NKAIN3: variants seen among roughly 807,000 people sequenced by gnomAD.
The protein encoded by NKAIN3 is sodium/potassium-transporting ATPase subunit beta-1-interacting protein 3.
A neutral mutation model predicts 30.2 loss-of-function variants in NKAIN3; 25 were observed. The ratio of observed to expected loss-of-function variants is 0.83; its 90% CI spans 0.60 to 1.16. NKAIN3 has a LOEUF of 1.16. Ranked by LOEUF, NKAIN3 falls within the 50% of genes most tolerant of loss-of-function variation. The pLI, the probability that NKAIN3 is intolerant of heterozygous loss-of-function variation, is 0.00. For synonymous variants in NKAIN3, 91 were observed against 89.6 expected (o/e 1.02, Z -0.09); for missense variants, 225 against 254.1 (o/e 0.89, Z 0.78).
intron 4 of NKAIN3, among the ~76,000 whole-genome samples, chr8:62,879,587 A>C (rs1820912309): frequency 6.6e-6 from 1 of 152,040 alleles, no homozygotes; most frequent in Non-Finnish European, 1.5e-5. Context: ...TTTTTGTTGA[A>C]CAGGAGGCAT....
Position 62,593,024 on chromosome 8 carries a change from C to A in NKAIN3, c.273+3230C>A, listed in dbSNP as rs367702186. ...GGGAGAGTTTAATACTCCTTTCTTG[C>A]TTATTTAGAGAAAAAGTAGACACAA... On this transcript the variant is annotated intron_variant, in intron 3 of 6. Transcript: ENST00000623646. Among the ~76,000 whole-genome samples the A allele has an allele frequency of 3.7e-4, 56 of 151,964 alleles. No homozygotes were observed. In the South Asian group the frequency reaches 1.0e-2, roughly 27 times the overall value.
At chr8:62,780,733 A>G (rs1175370409) in intron 4 of NKAIN3, among the ~76,000 whole-genome samples, 1 of 152,148 alleles carries the variant, frequency 6.6e-6, no homozygotes. Flanking sequence ...ATAAAATTCA[A>G]TACCCTTTCA....
chr8:62,345,328 CATAT>C (rs71259314), intron 1 of NKAIN3, among the ~76,000 whole-genome samples: 21 of 117,442 alleles, frequency 1.8e-4, no homozygotes, highest in African/African-American at 6.9e-4. Context: ...CATATATACA[CATAT>C]ATGTATATAT....
intron 1 of NKAIN3, among the ~76,000 whole-genome samples, chr8:62,350,191 A>G (rs2129591715): frequency 6.6e-6 from 1 of 152,350 alleles, no homozygotes; most frequent in South Asian, 2.1e-4. Flanking sequence ...ATTATTCACA[A>G]TAGCCAAAAG....
rs1384388986 is a variant in NKAIN3 at position 62,351,097 on chromosome 8, T to C, written c.54+101970T>C. ...GTAAATAGTATATATAATAAATGTA[T>C]AAATATATAATATATATTAACATAT... is the stretch of plus-strand genomic sequence containing the variant. On this transcript the variant is annotated intron_variant, in intron 1 of 6. Transcript: ENST00000623646. 6.7e-5 allele frequency among the ~76,000 whole-genome samples: 10 copies of C among 148,886 alleles called. No homozygotes were observed. The East Asian group carries it at 1.8e-3, about 26-fold the overall frequency.
At chr8:62,488,792 C>T (rs966511982) in intron 1 of NKAIN3, among the ~76,000 whole-genome samples, 1 of 152,096 alleles carries the variant, frequency 6.6e-6, no homozygotes, top group Non-Finnish European at 1.5e-5. Context: ...GCTTGAGATG[C>T]TGAGGAATAA....
chr8:62,279,378 T>C (rs1053609601), intron 1 of NKAIN3, among the ~76,000 whole-genome samples: 4 of 152,254 alleles, frequency 2.6e-5, no homozygotes, highest in Non-Finnish European at 5.9e-5. Context: ...TTAGTTTAAA[T>C]AGATTCCATT....
At chr8:62,759,359 C>A (rs932823113) in intron 4 of NKAIN3, among the ~76,000 whole-genome samples, 3 of 152,076 alleles carry the variant, frequency 2.0e-5, no homozygotes, top group Non-Finnish European at 4.4e-5. Context: ...GAAATCAATT[C>A]AATTCTCCAT....
intron 1 of NKAIN3, among the ~76,000 whole-genome samples, chr8:62,477,968 A>T (rs1806574314): frequency 6.6e-6 from 1 of 152,174 alleles, no homozygotes. Flanking sequence ...TTTTTATGTG[A>T]ATAGAGGTAT....
At chr8:62,874,050 G>T (rs541391673) in intron 4 of NKAIN3, among the ~76,000 whole-genome samples, 1 of 151,770 alleles carries the variant, frequency 6.6e-6, no homozygotes. Flanking sequence ...TCAGGAGCTG[G>T]TTTTTTGAAA....
intron 4 of NKAIN3, among the ~76,000 whole-genome samples, chr8:62,829,359 A>G (rs1423378628): frequency 2.0e-5 from 3 of 152,204 alleles, no homozygotes; most frequent in African/African-American, 7.2e-5. Flanking sequence ...GACGCCCAGC[A>G]TTTCAGTCAC....
chr8:62,985,394 C>G (rs1345288951), downstream of NKAIN3, among the ~76,000 whole-genome samples: 1 of 152,194 alleles, frequency 6.6e-6, no homozygotes, highest in African/African-American at 2.4e-5. Flanking sequence ...CAGAGACATT[C>G]TGAATCCACC....
chr8:62,305,051 A>G (rs1814182003), intron 1 of NKAIN3, among the ~76,000 whole-genome samples: 1 of 150,550 alleles, frequency 6.6e-6, no homozygotes, highest in Admixed American at 6.6e-5. Flanking sequence ...GATCAGAAGG[A>G]GGGTCTGTAA....
intron 4 of NKAIN3, among the ~76,000 whole-genome samples, chr8:62,851,488 A>G (rs1302652880): frequency 6.6e-6 from 1 of 152,118 alleles, no homozygotes; most frequent in Non-Finnish European, 1.5e-5. Flanking sequence ...AACTTCCAAC[A>G]CTATTTTTAA....
chr8:62,547,428 G>A lies in NKAIN3; in HGVS notation c.55-32111G>A, dbSNP rs547462028. On this transcript the variant is annotated intron_variant, in intron 1 of 6. Transcript: ENST00000623646. ...TATCATTAATAATAGTAAAAATAAG[G>A]TTCTTGCTTATGGTGTTTTAAGTTG... Among the ~76,000 whole-genome samples the A allele has an allele frequency of 7.2e-5, 11 of 152,214 alleles. No individual in the cohort carries two copies. In the South Asian group the frequency reaches 2.1e-3, roughly 29 times the overall value.
At chr8:62,769,503 T>C (rs1816951229) in intron 4 of NKAIN3, among the ~76,000 whole-genome samples, 1 of 152,188 alleles carries the variant, frequency 6.6e-6, no homozygotes, top group African/African-American at 2.4e-5. Context: ...CCTAGTTAAT[T>C]CAATATGCAA....
chr8:62,666,103 A>G (rs1813090980), intron 3 of NKAIN3, among the ~76,000 whole-genome samples: 2 of 151,966 alleles, frequency 1.3e-5, no homozygotes, highest in Non-Finnish European at 2.9e-5. Flanking sequence ...AATCCCAGCT[A>G]CTCAGGAGGC....
At chr8:62,493,244 C>A (rs1262770610) in intron 1 of NKAIN3, among the ~76,000 whole-genome samples, 14 of 152,116 alleles carry the variant, frequency 9.2e-5, no homozygotes, top group Admixed American at 9.2e-4. Context: ...CTGCACATGG[C>A]TAGCCAGTTA....
chr8:62,379,396 G>A (rs1213772754), intron 1 of NKAIN3, among the ~76,000 whole-genome samples: 5 of 152,164 alleles, frequency 3.3e-5, no homozygotes, highest in African/African-American at 1.2e-4. Flanking sequence ...TTTGATATGT[G>A]AGGACATGAG....
Sources: gnomAD v4.1 joint callset for allele counts (sites outside exome capture counted in the v4.1 genomes callset) on GRCh38, gnomAD v4.1.1 for gene constraint, MANE v1.5 for transcripts, NCBI Gene and HGNC (gene_info 2026-07-23, HGNC 2026-07-21) for gene names.